RB1: variants seen among roughly 807,000 people sequenced by gnomAD.
RB1 encodes RB transcriptional corepressor 1.
RB1 carries 18 observed loss-of-function variants against 135.4 expected under a neutral mutation model. The observed-to-expected ratio is 0.13, with a 90% confidence interval of 0.09 to 0.20. RB1 has a LOEUF of 0.20. Among genes scored for constraint, RB1 ranks in the 10% least tolerant of loss-of-function variants. The probability of loss-of-function intolerance (pLI) is 1.00; values close to 1 mark genes in which losing one functional copy is unlikely to be tolerated. For synonymous variants in RB1, 365 were observed against 373.2 expected, an observed-to-expected ratio of 0.98 and a Z score of 0.25; for missense variants, 868 against 1,110.0, an observed-to-expected ratio of 0.78 and a Z score of 3.10.
chr13:48,405,363 T>G (rs1374755423), intron 17 of RB1, among the ~76,000 whole-genome samples: 7 of 152,204 alleles, frequency 4.6e-5, no homozygotes, highest in Non-Finnish European at 1.0e-4. Context: ...ATTTGCCTTT[T>G]TTCCTCGGGC....
rs769618862 is a variant in RB1, at chr13:48,307,305, C to A, written c.163C>A (p.Pro55Thr). The A allele has an allele frequency of 2.5e-6, 4 of 1,609,022 alleles. No individual in the cohort carries two copies. Among genetic ancestry groups the A allele is most frequent in the Non-Finnish European group, 3.4e-6 (4 of 1,175,706 alleles). The change falls in exon 2 of 27, where the codon CCT (proline) becomes ACT (threonine). Residue 55 changes from proline (P) to threonine (T), a missense_variant. By Grantham distance (38) the Pro-to-Thr change is conservative. Coordinates refer to ENST00000267163, the MANE Select transcript of RB1 (RefSeq NM_000321.3). ...GCTTGAGTTTGAAGAAACAGAAGAA[C>A]CTGATTTTACTGCATTATGTCAGAA... ...VRLEFEETEE[P>T]DFTALCQKLK...
At chr13:48,430,347 C>T (rs1271550970) in intron 17 of RB1, among the ~76,000 whole-genome samples, 2 of 151,926 alleles carry the variant, frequency 1.3e-5, no homozygotes, top group East Asian at 3.9e-4. Context: ...ATTCTTTATA[C>T]CAAAATAAAT....
chr13:48,479,264 T>C (rs1593549017), intron 26 of RB1, among the ~76,000 whole-genome samples: 1 of 151,816 alleles, frequency 6.6e-6, no homozygotes, highest in Non-Finnish European at 1.5e-5. Context: ...AAATGAGCTA[T>C]GATTTGATGT....
intron 1 of RB1, among the ~76,000 whole-genome samples, chr13:48,304,724 TC>T (rs1952065248): frequency 6.6e-6 from 1 of 152,196 alleles, no homozygotes; most frequent in African/African-American, 2.4e-5. Context: ...GGCAAAACTT[TC>T]ATGAGACATT....
chr13:48,411,836 A>G, intron 17 of RB1: 1 of 1,612,664 alleles, frequency 6.2e-7, no homozygotes, highest in Non-Finnish European at 8.5e-7. Context: ...TTAAAATTAG[A>G]GGAATAAAAA....
At chr13:48,359,788 C>G (rs1952622310) in intron 6 of RB1, among the ~76,000 whole-genome samples, 1 of 150,440 alleles carries the variant, frequency 6.6e-6, no homozygotes, top group South Asian at 2.1e-4. Context: ...TCAGAGTAGA[C>G]TTAACACTTG....
chr13:48,443,060 G>C (rs1004199904), intron 17 of RB1, among the ~76,000 whole-genome samples: 2 of 151,804 alleles, frequency 1.3e-5, no homozygotes, highest in African/African-American at 4.8e-5. Context: ...AAATCCATTT[G>C]AAACACATTT....
intron 12 of RB1, among the ~76,000 whole-genome samples, chr13:48,374,949 G>C (rs984375708): frequency 1.3e-5 from 2 of 152,090 alleles, no homozygotes; most frequent in African/African-American, 4.8e-5. Context: ...CCACTCATTA[G>C]TGAGAACATG....
Position 48,367,660 on chromosome 13 carries a change from A to G in RB1, c.1049+57A>G, listed in dbSNP as rs1176259905. ...TTTAGATATAGGTTGATACTGATAT[A>G]GGTAGATTATATAGTCTTTAGCTTA... On this transcript the variant is annotated intron_variant, in intron 10 of 26. Coordinates refer to ENST00000267163, the MANE Select transcript of RB1 (RefSeq NM_000321.3). 3.8e-6 allele frequency: 6 copies of G among 1,564,338 alleles called. No homozygotes were observed. The African/African-American group carries it at 8.1e-5, about 21-fold the overall frequency.
intron 17 of RB1, among the ~76,000 whole-genome samples, chr13:48,427,161 A>C (rs1296089100): frequency 1.3e-5 from 2 of 151,008 alleles, no homozygotes; most frequent in Non-Finnish European, 3.0e-5. Context: ...AGCACACTTC[A>C]ACACGAGTCA....
chr13:48,450,665 G>T (rs1949321228), intron 17 of RB1, among the ~76,000 whole-genome samples: 2 of 152,066 alleles, frequency 1.3e-5, no homozygotes, highest in Admixed American at 6.5e-5. Flanking sequence ...GATTCCATAT[G>T]AATTTTATGA....
chr13:48,317,682 T>A, intron 2 of RB1: 1 of 544,404 alleles, frequency 1.8e-6, no homozygotes, highest in Non-Finnish European at 2.8e-6. Flanking sequence ...TCCTGGGCGG[T>A]GCCGGATCCC....
At chr13:48,464,894 T>C (rs1015543515) in intron 21 of RB1, 104 bp from the exon 22 acceptor site, 3 of 1,300,118 alleles carry the variant, frequency 2.3e-6, no homozygotes, top group Non-Finnish European at 3.1e-6. Flanking sequence ...AAAAGTATTA[T>C]AAACTATTAG....
At chr13:48,360,932 AATGG>A (rs1456082875) in intron 7 of RB1, among the ~76,000 whole-genome samples, 1 of 152,104 alleles carries the variant, frequency 6.6e-6, no homozygotes, top group Non-Finnish European at 1.5e-5. Flanking sequence ...GTGTTGTTGA[AATGG>A]ATGGAAGGAT....
At chr13:48,323,434 A>G (rs1952258560) in intron 2 of RB1, among the ~76,000 whole-genome samples, 1 of 151,896 alleles carries the variant, frequency 6.6e-6, no homozygotes, top group South Asian at 2.1e-4. Context: ...CAGTCTAACT[A>G]GAAGTTTCTC....
In RB1 at chr13:48,481,350, C is replaced by T. The variant is rs182363120; in HGVS notation, c.*1279C>T. 2 of 232,006 alleles carry T rather than the reference C, an allele frequency of 8.6e-6. No homozygotes were observed. The highest frequency in any genetic ancestry group is 1.8e-4 in the South Asian group (1 of 5,512). The allele number at this position is 232,006 out of a possible 1,614,324, so 14.4% of individuals were successfully genotyped here. A position where few individuals can be genotyped will look rare whatever the true frequency, so the allele number is the denominator to read the frequency against. ...GCATTAGAAAAAGAGGCGCTTCTCC[C>T]CTCCCCTACACCTAAAGGTGTATTT... On this transcript the variant is annotated 3_prime_UTR_variant, in exon 27 of 27. Transcript: ENST00000267163.
At position 48,347,817 on chromosome 13, in the gene RB1, C is replaced by T. The variant is rs1952511460; in HGVS notation, c.501-8C>T. ...AATGTTAAAAAGTCATAATGTTTTT[C>T]TTTTCAGGACATGTGAACTTATATA... On this transcript the variant is annotated splice_polypyrimidine_tract_variant and splice_region_variant and intron_variant, in intron 4 of 26. Transcript: ENST00000267163. 1 of 1,577,210 alleles carries T rather than the reference C, an allele frequency of 6.3e-7. No individual in the cohort carries two copies. The highest frequency in any genetic ancestry group is 2.2e-5 in the East Asian group (1 of 44,478).
intron 11 of RB1, among the ~76,000 whole-genome samples, chr13:48,370,478 T>C (rs889908237): frequency 2.0e-5 from 3 of 152,208 alleles, no homozygotes; most frequent in African/African-American, 7.2e-5. Flanking sequence ...ACCAAAGGGC[T>C]TCAAGTTGGG....
chr13:48,340,156 A>G (rs1377269890), intron 2 of RB1, among the ~76,000 whole-genome samples: 1 of 152,176 alleles, frequency 6.6e-6, no homozygotes, highest in African/African-American at 2.4e-5. Flanking sequence ...CTAACCAGAA[A>G]TGAAGCATAG....
Sources: allele counts gnomAD v4.1 joint callset (sites outside exome capture counted in the v4.1 genomes callset), GRCh38; gene constraint gnomAD v4.1.1; transcripts MANE v1.5; gene names NCBI Gene and HGNC (gene_info 2026-07-23, HGNC 2026-07-21).